Variants in NCAPH observed in about 807,000 individuals in gnomAD.
NCAPH encodes the protein condensin complex subunit 2.
NCAPH carries 38 observed loss-of-function variants against 85.5 expected under a neutral mutation model. The observed-to-expected ratio is 0.44, with a 90% CI of 0.34 to 0.58. NCAPH has a LOEUF of 0.58. NCAPH is among the 20% of genes least tolerant of loss of function. NCAPH has a pLI of 0.01. For synonymous variants in NCAPH, 301 were observed against 335.1 expected (o/e 0.90, Z 1.11); for missense variants, 789 against 916.6 (o/e 0.86, Z 1.80).
intron 3 of NCAPH, 132 bp from the exon 4 acceptor site, chr2:96,342,624 T>G (rs987290205): frequency 1.3e-6 from 1 of 748,252 alleles, no homozygotes; most frequent in African/African-American, 1.8e-5. Context: ...GACAAGTGTT[T>G]TTGGGAAGAG....
In NCAPH at chr2:96,374,490, CGTCATCATT is replaced by C. The variant is rs1367775637; in HGVS notation, c.*1141_*1149del. On this transcript the variant is annotated 3_prime_UTR_variant, in exon 18 of 18. Transcript: ENST00000240423. ...GGTCCTGGATCTCTGCCAGAACACC[CGTCATCATT>C]GACTGGCTAAATAGAGATCTTGGAT... 6.6e-6 allele frequency among the ~76,000 whole-genome samples: 1 copy of C among 152,166 alleles called. No homozygotes were observed. The highest frequency in any genetic ancestry group is 1.5e-5 in the Non-Finnish European group (1 of 68,030).
rs1197403100 is a variant in NCAPH at position 96,369,072 on chromosome 2, T to C, written c.2090+9T>C. 1 of 1,553,016 alleles carries C rather than the reference T, an allele frequency of 6.4e-7. No homozygotes were observed. The highest frequency in any genetic ancestry group is 8.7e-7 in the Non-Finnish European group (1 of 1,147,662). ...AAGGACCTGCAGAGGAGGTGCGGGCTGGCAGGCATGGGGGCTTTGTTGGGG... is the reference window on the plus strand; with the variant it reads ...AAGGACCTGCAGAGGAGGTGCGGGCCGGCAGGCATGGGGGCTTTGTTGGGG... On this transcript the variant is annotated intron_variant, in intron 16 of 17. Coordinates refer to ENST00000240423, the MANE Select transcript of NCAPH (RefSeq NM_015341.5).
At position 96,353,307 on chromosome 2, in the gene NCAPH, G is replaced by C. The variant is rs111646386; in HGVS notation, c.912G>C (p.Ala304=). 13 of 1,613,972 alleles carry C rather than the reference G, an allele frequency of 8.1e-6. No homozygotes were observed. Among genetic ancestry groups the C allele is most frequent in the African/African-American group, 5.3e-5 (4 of 75,050 alleles). The change falls in exon 8 of 18, where the codon GCG becomes GCC. Residue 304 remains alanine, a splice_region_variant and synonymous_variant. Coordinates refer to ENST00000240423, the MANE Select transcript of NCAPH (RefSeq NM_015341.5). ...LGCVEMTDLK[A]PLQQCAEDRQ... ...TTGTGATCTTGCTATCCTCTCCAGC[G>C]CCCTTGCAGCAGTGTGCAGAAGATC...
chr2:96,356,979 C>T (rs753847682), intron 9 of NCAPH, among the ~76,000 whole-genome samples: 12 of 152,178 alleles, frequency 7.9e-5, no homozygotes, highest in Non-Finnish European at 1.6e-4. Context: ...AGAGTGAGCT[C>T]CCTCTCTGTG....
chr2:96,375,367 A>G lies in NCAPH; in HGVS notation c.*2016A>G, dbSNP rs535635563. On this transcript the variant is annotated 3_prime_UTR_variant, in exon 18 of 18. Transcript: ENST00000240423. ...TTGTGTCTAAAATTCACATGTTGGT[A>G]TTAAGAGATAGGGCCTTTGGGAGGT... 3.1e-4 allele frequency among the ~76,000 whole-genome samples: 47 copies of G among 152,292 alleles called. No individual in the cohort carries two copies. In the South Asian group the frequency reaches 9.8e-3, roughly 32 times the overall value.
At chr2:96,350,747 G>C (rs1352610442) in intron 6 of NCAPH, among the ~76,000 whole-genome samples, 1 of 152,134 alleles carries the variant, frequency 6.6e-6, no homozygotes, top group Non-Finnish European at 1.5e-5. Context: ...GAGCTAAGGG[G>C]ACCAGGGAAG....
chr2:96,343,558 A>G (rs1175937282), intron 5 of NCAPH, among the ~76,000 whole-genome samples: 1 of 152,226 alleles, frequency 6.6e-6, no homozygotes, highest in Non-Finnish European at 1.5e-5. Flanking sequence ...ATCACCAACT[A>G]AGGAACTTCT....
At chr2:96,366,935 C>G (rs966830669) in intron 14 of NCAPH, among the ~76,000 whole-genome samples, 1 of 144,302 alleles carries the variant, frequency 6.9e-6, no homozygotes, top group Non-Finnish European at 1.5e-5. Context: ...TGGTGAAATA[C>G]CATCTCTACT....
chr2:96,364,393 G>T, intron 12 of NCAPH, 88 bp from the exon 13 acceptor site: 1 of 810,564 alleles, frequency 1.2e-6, no homozygotes, highest in South Asian at 1.8e-5. Flanking sequence ...TCTAGGAGGA[G>T]ATTGGGCATA....
rs1434720030 is a variant in NCAPH, at chr2:96,335,769, A to G, written c.-61A>G. ...CCGCCGGCGACGTCACGCGGCCGTT[A>G]CGGCGCTCAGGCGTCTCGACGCGCG... is the stretch of plus-strand genomic sequence containing the variant. On this transcript the variant is annotated 5_prime_UTR_variant, in exon 1 of 18. Coordinates refer to ENST00000240423, the MANE Select transcript of NCAPH (RefSeq NM_015341.5). The G allele has an allele frequency of 9.7e-6, 14 of 1,449,966 alleles. No homozygotes were observed. Among genetic ancestry groups the G allele is most frequent in the Non-Finnish European group, 1.2e-5 (13 of 1,101,662 alleles). The allele number at this position is 1,449,966 out of a possible 1,614,324, so 89.8% of individuals were successfully genotyped here. A position where few individuals can be genotyped will look rare whatever the true frequency, so the allele number is the denominator to read the frequency against.
At chr2:96,354,783 T>C (rs1334076555) in intron 9 of NCAPH, among the ~76,000 whole-genome samples, 24 of 152,208 alleles carry the variant, frequency 1.6e-4, no homozygotes, top group Admixed American at 1.4e-3. Flanking sequence ...TTAGCCACTT[T>C]GGTTATAAAA....
chr2:96,337,968 C>T (rs2064237340), intron 1 of NCAPH, among the ~76,000 whole-genome samples: 1 of 151,912 alleles, frequency 6.6e-6, no homozygotes, highest in Non-Finnish European at 1.5e-5. Context: ...GCTCTGTCCC[C>T]CAGGCTGGAG....
At chr2:96,360,279 T>TA in intron 11 of NCAPH, 30 bp downstream of exon 11, 1 of 1,232,742 alleles carries the variant, frequency 8.1e-7, no homozygotes, top group South Asian at 1.3e-5. Context: ...GGATTGTGCT[T>TA]ACTCGTTTTT....
intron 10 of NCAPH, 101 bp downstream of exon 10, chr2:96,359,294 T>C (rs2064572251): frequency 2.8e-6 from 4 of 1,433,158 alleles, no homozygotes; most frequent in Non-Finnish European, 3.8e-6. Context: ...AGCCCTGTTG[T>C]GTCTCTTAAT....
rs1573079082 is a variant in NCAPH at position 96,354,166 on chromosome 2, C to T, written c.1003-17C>T. 1 of 1,610,028 alleles carries T rather than the reference C, an allele frequency of 6.2e-7. No homozygotes were observed. Among genetic ancestry groups the T allele is most frequent in the Non-Finnish European group, 8.5e-7 (1 of 1,177,642 alleles). Reference sequence around the variant, plus strand: ...TTATAGGAATGAGAATTACAGAACCCTCTTTTGTCCCTCCAGTCTGTGTCG... The same window carrying T: ...TTATAGGAATGAGAATTACAGAACCTTCTTTTGTCCCTCCAGTCTGTGTCG... On this transcript the variant is annotated splice_polypyrimidine_tract_variant and intron_variant, in intron 8 of 17. Transcript: ENST00000240423.
intron 6 of NCAPH, among the ~76,000 whole-genome samples, chr2:96,346,741 A>G (rs2064366576): frequency 6.6e-6 from 1 of 151,918 alleles, no homozygotes; most frequent in South Asian, 2.1e-4. Context: ...TTGAGGATAT[A>G]GAGAGGTTGC....
rs866163224 is a variant in NCAPH, at chr2:96,343,447, C to T, written c.595+143C>T. Reference sequence around the variant, plus strand: ...GGGCATTTTTAGAACCATATATGGTCTTACGTGAGAAGATACTCAAACACT... The same window carrying T: ...GGGCATTTTTAGAACCATATATGGTTTTACGTGAGAAGATACTCAAACACT... On this transcript the variant is annotated intron_variant, in intron 5 of 17. Coordinates refer to ENST00000240423, the MANE Select transcript of NCAPH (RefSeq NM_015341.5). 4 of 950,448 alleles carry T rather than the reference C, an allele frequency of 4.2e-6. No individual in the cohort carries two copies. In the African/African-American group the frequency reaches 6.7e-5, roughly 16 times the overall value. The allele number at this position is 950,448 out of a possible 1,614,324, so 58.9% of individuals were successfully genotyped here.
intron 17 of NCAPH, among the ~76,000 whole-genome samples, chr2:96,372,192 T>C (rs1482314381): frequency 6.6e-6 from 1 of 152,196 alleles, no homozygotes; most frequent in East Asian, 1.9e-4. Context: ...AGGGAAACAC[T>C]GCCTGGGGTT....
chr2:96,368,977 C>A lies in NCAPH; in HGVS notation c.2004C>A (p.Asn668Lys). The A allele has an allele frequency of 6.4e-7, 1 of 1,553,770 alleles. No homozygotes were observed. The highest frequency in any genetic ancestry group is 8.7e-7 in the Non-Finnish European group (1 of 1,148,028). Residue 668 changes from asparagine (N) to lysine (K), a missense_variant, in exon 16 of 18, where the codon AAC (asparagine) becomes AAA (lysine). Coordinates refer to ENST00000240423, the MANE Select transcript of NCAPH (RefSeq NM_015341.5). ...LSGKEADAEA[N>K]HREAGKEAAL... ...TATAAATGTGCTTCTGTTAGGCAAA[C>A]CACAGGGAAGCTGGAAAAGAAGCGG...
Sources: allele counts gnomAD v4.1 joint callset (sites outside exome capture counted in the v4.1 genomes callset), GRCh38; gene constraint gnomAD v4.1.1; transcripts MANE v1.5; gene names NCBI Gene and HGNC (gene_info 2026-07-23, HGNC 2026-07-21).